DHX37: variants seen among roughly 807,000 people sequenced by gnomAD.
DHX37 encodes DEAH-box helicase 37.
A neutral mutation model predicts 134.3 loss-of-function variants in DHX37; 52 were observed. The observed-to-expected ratio is 0.39, with a 90% CI of 0.31 to 0.49. The LOEUF is 0.49. Among genes scored for constraint, DHX37 ranks in the 20% least tolerant of loss-of-function variants. DHX37 has a pLI of 0.93. For missense variants in DHX37, 1,344 were observed against 1,580.8 expected (o/e 0.85, Z 2.54); for synonymous variants, 634 against 670.7 (o/e 0.95, Z 0.85).
At chr12:124,978,514 C>T (rs1192106484) in intron 4 of DHX37, among the ~76,000 whole-genome samples, 3 of 151,586 alleles carry the variant, frequency 2.0e-5, no homozygotes, top group Non-Finnish European at 4.4e-5. Flanking sequence ...GACGGGGTTT[C>T]ACCACGTTGG....
chr12:124,967,281 G>A lies in DHX37; in HGVS notation c.1409-63C>T, dbSNP rs1307733642. On this transcript the variant is annotated intron_variant, in intron 10 of 26. Coordinates refer to ENST00000308736, the MANE Select transcript of DHX37 (RefSeq NM_032656.4). Reference sequence around the variant, plus strand: ...ACTCACAAACATTTGCTTAGCAAAAGCACCTGCCAAGCCATGCTCTGAGAG... The same window carrying A: ...ACTCACAAACATTTGCTTAGCAAAAACACCTGCCAAGCCATGCTCTGAGAG... 7.1e-6 allele frequency: 11 copies of A among 1,550,768 alleles called. No homozygotes were observed. The African/African-American group carries it at 1.4e-4, about 19-fold the overall frequency.
chr12:124,968,013 G>A (rs1477510339), intron 10 of DHX37, among the ~76,000 whole-genome samples: 1 of 152,122 alleles, frequency 6.6e-6, no homozygotes, highest in African/African-American at 2.4e-5. Flanking sequence ...CCCGGGAGGT[G>A]GAGGTTGCAG....
At chr12:124,979,724 G>A (rs1016239877) in intron 4 of DHX37, among the ~76,000 whole-genome samples, 1 of 152,210 alleles carries the variant, frequency 6.6e-6, no homozygotes, top group Non-Finnish European at 1.5e-5. Context: ...CGGGATGGAG[G>A]AGGCCAAGCC....
chr12:124,966,503 C>T (rs987776116), intron 12 of DHX37, among the ~76,000 whole-genome samples: 1 of 152,194 alleles, frequency 6.6e-6, no homozygotes, highest in Non-Finnish European at 1.5e-5. Context: ...GCTGGGACCA[C>T]AGGCATGCGC....
intron 8 of DHX37, 145 bp from the exon 9 acceptor site, chr12:124,969,113 A>T: frequency 1.3e-6 from 1 of 752,666 alleles, no homozygotes; most frequent in Non-Finnish European, 2.2e-6. Context: ...GGCTCCTTGG[A>T]GAAAGTGAGT....
chr12:124,960,237 C>G, intron 16 of DHX37, 75 bp downstream of exon 16: 1 of 1,558,042 alleles, frequency 6.4e-7, no homozygotes, highest in Non-Finnish European at 8.7e-7. Flanking sequence ...AGACCCAGCT[C>G]TGGGCTCCCT....
intron 21 of DHX37, among the ~76,000 whole-genome samples, chr12:124,951,633 G>A (rs1487926387): frequency 6.6e-6 from 1 of 152,186 alleles, no homozygotes; most frequent in Non-Finnish European, 1.5e-5. Context: ...GGTCACACTT[G>A]TCATCCTAAC....
Position 124,980,997 on chromosome 12 carries a change from CCTCT to C in DHX37, c.390-163_390-160del. 1 of 328,450 alleles carries C rather than the reference CCTCT, an allele frequency of 3.0e-6. No homozygotes were observed. Among genetic ancestry groups the C allele is most frequent in the Non-Finnish European group, 4.4e-6 (1 of 229,432 alleles). 20.3% of individuals were successfully genotyped at this position (328,450 alleles called of 1,614,324 possible). ...GATACCTCCTCTCACTCCACTTAAG[CCTCT>C]GCTTAAGCACTAGCTGTCAGGGAGA... is the stretch of plus-strand genomic sequence containing the variant. On this transcript the variant is annotated intron_variant, in intron 3 of 26. Coordinates refer to ENST00000308736, the MANE Select transcript of DHX37 (RefSeq NM_032656.4). The surrounding 1 kb of genome is among the most constrained non-coding windows in gnomAD (Gnocchi z 5.3).
chr12:124,957,431 T>C (rs1211182578), intron 16 of DHX37, among the ~76,000 whole-genome samples: 1 of 152,302 alleles, frequency 6.6e-6, no homozygotes, highest in South Asian at 2.1e-4. Flanking sequence ...CAGACTATTA[T>C]ACTCATGAGG....
chr12:124,954,743 T>C (rs975418291), intron 18 of DHX37, among the ~76,000 whole-genome samples: 1 of 152,186 alleles, frequency 6.6e-6, no homozygotes, highest in East Asian at 1.9e-4. Context: ...ACTGCTTAAA[T>C]AGCTGCCAAG....
chr12:124,950,158 C>G lies in DHX37; in HGVS notation c.3207G>C (p.Leu1069=). Residue 1069 remains leucine, a synonymous_variant, in exon 24 of 27, where the codon CTG becomes CTC. Coordinates refer to ENST00000308736, the MANE Select transcript of DHX37 (RefSeq NM_032656.4). ...DRYKHFARFL[L]EGQVFRKLAS... Reference sequence around the variant, plus strand: ...CCGCTGTGCCACCTACCTGCCCTTCCAGCAGGAACCGGGCAAAGTGCTTGT... The same window carrying G: ...CCGCTGTGCCACCTACCTGCCCTTCGAGCAGGAACCGGGCAAAGTGCTTGT... 6.2e-7 allele frequency: 1 copy of G among 1,614,098 alleles called. No individual in the cohort carries two copies. Among genetic ancestry groups the G allele is most frequent in the South Asian group, 1.1e-5 (1 of 91,082 alleles).
At chr12:124,959,931 C>A (rs192752607) in intron 16 of DHX37, among the ~76,000 whole-genome samples, 1 of 152,340 alleles carries the variant, frequency 6.6e-6, no homozygotes, top group East Asian at 1.9e-4. Context: ...CCTGGCTTAG[C>A]CTGCCCTGGA....
At chr12:124,977,626 A>T in intron 4 of DHX37, 136 bp from the exon 5 acceptor site, 1 of 1,037,004 alleles carries the variant, frequency 9.6e-7, no homozygotes, top group Non-Finnish European at 1.3e-6. Flanking sequence ...ACAGCTGGGG[A>T]GGGGACCAGG....
intron 4 of DHX37, 156 bp from the exon 5 acceptor site, chr12:124,977,646 C>T (rs1009845645): frequency 2.3e-6 from 1 of 444,164 alleles, no homozygotes; most frequent in African/African-American, 2.3e-5. Flanking sequence ...GAGCCATGGT[C>T]CAGGAGAGAC....
In DHX37 at chr12:124,967,119, T is replaced by C. The variant is rs1361468440; in HGVS notation, c.1504+4A>G. On this transcript the variant is annotated splice_donor_region_variant and intron_variant, in intron 11 of 26. Coordinates refer to ENST00000308736, the MANE Select transcript of DHX37 (RefSeq NM_032656.4). Reference sequence around the variant, plus strand: ...CAGAGTGCTGGTCGGGGCGTCCTCTTTACCTTGTGGCCGGGCTCTGGAGGG... The same window carrying C: ...CAGAGTGCTGGTCGGGGCGTCCTCTCTACCTTGTGGCCGGGCTCTGGAGGG... 6.2e-7 allele frequency: 1 copy of C among 1,613,600 alleles called. No individual in the cohort carries two copies. Among genetic ancestry groups the C allele is most frequent in the Non-Finnish European group, 8.5e-7 (1 of 1,179,998 alleles).
chr12:124,966,159 GC>G (rs1954382765), intron 12 of DHX37, among the ~76,000 whole-genome samples: 1 of 152,210 alleles, frequency 6.6e-6, no homozygotes. Flanking sequence ...TCACGCAGAG[GC>G]TAGAGGAAAG....
chr12:124,954,271 G>T (rs370360134), intron 18 of DHX37, 60 bp from the exon 19 acceptor site: 4 of 1,513,288 alleles, frequency 2.6e-6, no homozygotes, highest in Non-Finnish European at 1.8e-6. Context: ...GGGCCTCAGC[G>T]GGGGGAACTC....
chr12:124,980,514 G>A lies in DHX37; in HGVS notation c.714C>T (p.Pro238=), dbSNP rs147590134. The stretch of plus-strand genomic sequence containing the variant: ...CCTGCATTTCCGGGGAGCGGTTCAC[G>A]GGGATGAAGACGGCGGGCTTAGCCA... ...RALAKPAVFI[P]VNRSPEMQEE... Residue 238 remains proline (P), a synonymous_variant, in exon 4 of 27, where the codon CCC becomes CCT. Transcript: ENST00000308736. This position sits in a 1 kb window ranked among gnomAD's most constrained non-coding sequence, Gnocchi z 5.3. 1,761 of 1,610,972 alleles carry A rather than the reference G, an allele frequency of 1.1e-3. 24 individuals carry two copies. The African/African-American group carries it at 0.02, about 19-fold the overall frequency.
chr12:124,957,736 G>A (rs940774273), intron 16 of DHX37, among the ~76,000 whole-genome samples: 1 of 151,370 alleles, frequency 6.6e-6, no homozygotes, highest in African/African-American at 2.4e-5. Context: ...TCAGTGAGCC[G>A]AGATCACACC....
Sources: gnomAD v4.1 joint callset for allele counts (sites outside exome capture counted in the v4.1 genomes callset) on GRCh38, gnomAD v4.1.1 for gene constraint, Gnocchi (gnomAD v3.1) non-coding constraint, MANE v1.5 for transcripts, NCBI Gene and HGNC (gene_info 2026-07-23, HGNC 2026-07-21) for gene names.